Variants in SP110 observed in about 807,000 individuals in gnomAD.
SP110 encodes interferon-induced protein 41, 30kD.
A neutral mutation model predicts 92.7 loss-of-function variants in SP110; 62 were observed. The ratio of observed to expected loss-of-function variants is 0.67; its 90% CI spans 0.55 to 0.83. The LOEUF (loss-of-function observed/expected upper bound fraction) is 0.83, where lower values mean the gene tolerates loss of function less well. SP110 is among the 40% of genes least tolerant of loss of function. The pLI, the probability that SP110 is intolerant of heterozygous loss-of-function variation, is 0.00. For missense variants in SP110, 793 were observed against 863.9 expected (o/e 0.92, Z 1.03); for synonymous variants, 273 against 305.3 (o/e 0.89, Z 1.10).
Position 230,172,923 on chromosome 2 carries a change from C to T in SP110, c.1627G>A (p.Gly543Arg). 6.2e-7 allele frequency: 1 copy of T among 1,614,140 alleles called. No homozygotes were observed. Among genetic ancestry groups the T allele is most frequent in the Non-Finnish European group, 8.5e-7 (1 of 1,179,978 alleles). ...NSDECEVCCQ[G>R]GQLLCCGTCP... ...GTACCGCAGCAGAGAAGTTGTCCCC[C>T]TTGACAGCACACCTCGCATTCATCC... The change falls in exon 15 of 19, where the codon GGG becomes AGG. Residue 543 changes from glycine to arginine, a missense_variant. By Grantham distance (125) the Gly-to-Arg change is moderately radical. Coordinates refer to ENST00000258381, the MANE Select transcript of SP110 (RefSeq NM_080424.4).
At position 230,219,869 on chromosome 2, in the gene SP110, C is replaced by T. The variant is rs2045646398; in HGVS notation, c.-2+5G>A. 1 of 976,676 alleles carries T rather than the reference C, an allele frequency of 1.0e-6. No homozygotes were observed. Among genetic ancestry groups the T allele is most frequent in the Non-Finnish European group, 1.2e-6 (1 of 821,868 alleles). 60.5% of individuals were successfully genotyped at this position (976,676 alleles called of 1,614,324 possible). ...AAGAATAAAGCAGCAAAGACAGAAA[C>T]TCACCTGGACTTTGAGTTTGTCGTT... is the stretch of plus-strand genomic sequence containing the variant. On this transcript the variant is annotated splice_donor_5th_base_variant and intron_variant, in intron 1 of 18. Transcript: ENST00000258381.
intron 10 of SP110, chr2:230,200,658 G>C (rs771750849): frequency 1.7e-6 from 1 of 578,780 alleles, no homozygotes; most frequent in Non-Finnish European, 3.1e-6. Flanking sequence ...ATCTTATATA[G>C]TGCAGATATA....
chr2:230,223,469 T>C (rs2045985474), upstream of SP110, among the ~76,000 whole-genome samples: 1 of 152,202 alleles, frequency 6.6e-6, no homozygotes, highest in South Asian at 2.1e-4. Context: ...TCCCATACAT[T>C]CTGTGAGCTA....
chr2:230,178,570 G>T (rs2041974316), intron 12 of SP110, among the ~76,000 whole-genome samples: 1 of 152,110 alleles, frequency 6.6e-6, no homozygotes, highest in East Asian at 1.9e-4. Context: ...TAAGCATCCT[G>T]CTGATCTCTC....
At chr2:230,173,951 A>G (rs906749151) in intron 14 of SP110, 2 of 152,210 alleles carry the variant, frequency 1.3e-5, no homozygotes, top group African/African-American at 4.8e-5. Flanking sequence ...CTGCCACCAT[A>G]CACAATCTTT....
intron 12 of SP110, among the ~76,000 whole-genome samples, chr2:230,181,948 A>G (rs1457133718): frequency 6.6e-6 from 1 of 152,256 alleles, no homozygotes; most frequent in Non-Finnish European, 1.5e-5. Flanking sequence ...AAGCAATCCC[A>G]TTACTGGGTA....
intron 14 of SP110, 115 bp downstream of exon 14, chr2:230,177,423 C>A (rs2041914897): frequency 8.7e-7 from 1 of 1,145,268 alleles, no homozygotes; most frequent in Admixed American, 1.7e-5. Context: ...CATTTAACTC[C>A]TTATAAATCA....
At chr2:230,201,018 C>A (rs2043131105) in intron 9 of SP110, 53 bp from the exon 10 acceptor site, 2 of 1,395,660 alleles carry the variant, frequency 1.4e-6, no homozygotes, top group Non-Finnish European at 2.0e-6. Flanking sequence ...CATGGAGAAT[C>A]TCCCAGAGAC....
intron 12 of SP110, among the ~76,000 whole-genome samples, chr2:230,178,472 AC>A (rs1486197149): frequency 6.6e-6 from 1 of 151,700 alleles, no homozygotes; most frequent in East Asian, 1.9e-4. Context: ...AAAAAAAAAA[AC>A]ATTTTAGTGG....
At position 230,216,906 on chromosome 2, in the gene SP110, T is replaced by C. The variant is rs770919859; in HGVS notation, c.22A>G (p.Met8Val). 10 of 1,613,840 alleles carry C rather than the reference T, an allele frequency of 6.2e-6. No homozygotes were observed. The East Asian group carries it at 2.0e-4, about 32-fold the overall frequency. The change falls in exon 2 of 19, where the codon ATG becomes GTG. Residue 8 changes from methionine (M) to valine (V), a missense_variant. Physicochemically the swap from Met to Val is conservative, Grantham distance 21. Coordinates refer to ENST00000258381, the MANE Select transcript of SP110 (RefSeq NM_080424.4). ...AAGTGCTGAAAAAGAGCCTCTTCCATGGCTCTTGTCATGGTGAACATCCTA... is the reference window on the plus strand; with the variant it reads ...AAGTGCTGAAAAAGAGCCTCTTCCACGGCTCTTGTCATGGTGAACATCCTA... Reference protein sequence around the residue: MFTMTRAMEEALFQHFMH... With the variant: MFTMTRAVEEALFQHFMH...
chr2:230,173,512 T>C (rs76276987), intron 14 of SP110: 140 of 164,978 alleles, frequency 8.5e-4, no homozygotes, highest in African/African-American at 3.2e-3. Context: ...GCACTTACAA[T>C]TGGCTTTACA....
intron 14 of SP110, among the ~76,000 whole-genome samples, chr2:230,176,046 T>G (rs990311421): frequency 2.7e-5 from 4 of 150,046 alleles, no homozygotes; most frequent in Non-Finnish European, 4.4e-5. Context: ...AGAGCTCAAG[T>G]GATCCTCCCA....
intron 10 of SP110, among the ~76,000 whole-genome samples, chr2:230,187,656 G>T (rs1385760304): frequency 2.6e-5 from 4 of 152,028 alleles, no homozygotes; most frequent in Non-Finnish European, 5.9e-5. Flanking sequence ...TCCATCTTGA[G>T]TTAATTTTTG....
At chr2:230,186,222 T>C in intron 10 of SP110, 79 bp from the exon 11 acceptor site, 1 of 1,369,356 alleles carries the variant, frequency 7.3e-7, no homozygotes, top group Non-Finnish European at 1.0e-6. Context: ...GGAGTTATCT[T>C]GCCATTTCTC....
In SP110 at chr2:230,216,535, A is replaced by C. The variant is rs200898712; in HGVS notation, c.147+246T>G. Reference sequence around the variant, plus strand: ...TTCTGGCCTCCACACCTGAGAGAATATATTTCTGTTGTTTTAAGCTACCTG... The same window carrying C: ...TTCTGGCCTCCACACCTGAGAGAATCTATTTCTGTTGTTTTAAGCTACCTG... On this transcript the variant is annotated intron_variant, in intron 2 of 18. Coordinates refer to ENST00000258381, the MANE Select transcript of SP110 (RefSeq NM_080424.4). Among the ~76,000 whole-genome samples, 14 of 152,292 alleles carry C rather than the reference A, an allele frequency of 9.2e-5. No individual in the cohort carries two copies. The East Asian group carries it at 2.5e-3, about 27-fold the overall frequency.
At position 230,172,061 on chromosome 2, in the gene SP110, C is replaced by T. The variant is rs1157341582; in HGVS notation, c.1815+5G>A. 6.4e-7 allele frequency: 1 copy of T among 1,570,252 alleles called. No homozygotes were observed. The highest frequency in any genetic ancestry group is 8.8e-7 in the Non-Finnish European group (1 of 1,139,810). On this transcript the variant is annotated splice_donor_5th_base_variant and intron_variant, in intron 16 of 18. Coordinates refer to ENST00000258381, the MANE Select transcript of SP110 (RefSeq NM_080424.4). ...GTATAGGTTTGGGGTTTGCATCCAA[C>T]TCACCAGCTGGTCCTGAGGCTGCAT...
chr2:230,212,474 G>A, intron 4 of SP110, 44 bp from the exon 5 acceptor site: 1 of 1,436,032 alleles, frequency 7.0e-7, no homozygotes, highest in South Asian at 1.1e-5. Context: ...GGGACTGGAT[G>A]TCAGGGAGAA....
intron 7 of SP110, among the ~76,000 whole-genome samples, chr2:230,209,132 G>A (rs1028090481): frequency 6.6e-6 from 1 of 152,108 alleles, no homozygotes; most frequent in African/African-American, 2.4e-5. Context: ...AGCTATAAAA[G>A]GAGAAAAGCT....
chr2:230,223,097 C>T (rs975352626), upstream of SP110, among the ~76,000 whole-genome samples: 4 of 149,818 alleles, frequency 2.7e-5, no homozygotes, highest in East Asian at 5.8e-4. Flanking sequence ...AGTGCTGTGG[C>T]GCAATCTTGG....
Sources: gnomAD v4.1 joint callset for allele counts (sites outside exome capture counted in the v4.1 genomes callset) on GRCh38, gnomAD v4.1.1 for gene constraint, MANE v1.5 for transcripts, NCBI Gene and HGNC (gene_info 2026-07-23, HGNC 2026-07-21) for gene names.